The following UBR1 variants were observed in gnomAD, a reference collection of about 807,000 sequenced individuals.
The protein encoded by UBR1 is ubiquitin protein ligase E3 component n-recognin 1.
In UBR1, 102 loss-of-function variants were observed where a neutral mutation model predicts 242.1. That is an observed-to-expected ratio of 0.42 (90% confidence interval 0.36 to 0.50). The LOEUF is 0.50. Among genes scored for constraint, UBR1 ranks in the 20% least tolerant of loss-of-function variants. The pLI, the probability that UBR1 is intolerant of heterozygous loss-of-function variation, is 0.01. For missense variants in UBR1, 1,772 were observed against 2,101.8 expected, an observed-to-expected ratio of 0.84 and a Z score of 3.07; for synonymous variants, 675 against 684.8, an observed-to-expected ratio of 0.99 and a Z score of 0.22.
chr15:43,091,929 A>C, intron 1 of UBR1: 1 of 383,250 alleles, frequency 2.6e-6, no homozygotes, highest in South Asian at 2.1e-5. Context: ...AAAAAAAAAA[A>C]AAAAAAATTA....
At chr15:43,061,600 CAT>C (rs551345541) in intron 6 of UBR1, among the ~76,000 whole-genome samples, 30 of 152,118 alleles carry the variant, frequency 2.0e-4, no homozygotes, top group African/African-American at 7.0e-4. Flanking sequence ...TATATATACA[CAT>C]ACACAGGCTG....
rs1279002361 is a variant in UBR1, at chr15:42,944,595, G to C, written c.*734C>G. On this transcript the variant is annotated 3_prime_UTR_variant, in exon 47 of 47. Coordinates refer to ENST00000290650, the MANE Select transcript of UBR1 (RefSeq NM_174916.3). ...GAGATTTGCCTTTGGAAAATGTCAA[G>C]TATTATTTCAAAACTCAACAAAGCT... 6.6e-6 allele frequency: 1 copy of C among 152,212 alleles called. No homozygotes were observed. Among genetic ancestry groups the C allele is most frequent in the Non-Finnish European group, 1.5e-5 (1 of 68,058 alleles). 9.4% of individuals were successfully genotyped at this position (152,212 alleles called of 1,614,324 possible).
chr15:43,034,900 A>C (rs1212541334), intron 19 of UBR1, among the ~76,000 whole-genome samples: 1 of 151,688 alleles, frequency 6.6e-6, no homozygotes, highest in Non-Finnish European at 1.5e-5. Flanking sequence ...AAAAAAAAAA[A>C]AAAAAGAAAG....
At chr15:42,952,104 C>T (rs2031843445) in intron 45 of UBR1, among the ~76,000 whole-genome samples, 174 bp downstream of exon 45, 1 of 152,128 alleles carries the variant, frequency 6.6e-6, no homozygotes, top group Non-Finnish European at 1.5e-5. Context: ...TGAACAGAAA[C>T]TTATTCTTTT....
At chr15:42,975,162 C>T (rs556199449) in intron 39 of UBR1, among the ~76,000 whole-genome samples, 95 of 152,276 alleles carry the variant, frequency 6.2e-4, no homozygotes, top group African/African-American at 2.2e-3. Flanking sequence ...TCCCAAAGTG[C>T]TGGGATTACA....
intron 8 of UBR1, 66 bp from the exon 9 acceptor site, chr15:43,059,258 T>G: frequency 7.1e-7 from 1 of 1,416,790 alleles, no homozygotes; most frequent in Non-Finnish European, 9.9e-7. Flanking sequence ...TAGAGATGAG[T>G]CTCACTCTGT....
At chr15:43,097,636 C>T (rs192921670) in intron 1 of UBR1, among the ~76,000 whole-genome samples, 3 of 152,364 alleles carry the variant, frequency 2.0e-5, no homozygotes, top group Non-Finnish European at 4.4e-5. Context: ...TACTGCTTCA[C>T]GCTGCACTTT....
intron 41 of UBR1, 87 bp from the exon 42 acceptor site, chr15:42,964,130 A>G (rs2032067155): frequency 1.1e-6 from 1 of 924,348 alleles, no homozygotes; most frequent in Non-Finnish European, 1.7e-6. Flanking sequence ...GTTTATGCTT[A>G]TTTCTACACT....
chr15:43,002,799 G>C, intron 31 of UBR1, 95 bp from the exon 32 acceptor site: 1 of 1,538,126 alleles, frequency 6.5e-7, no homozygotes, highest in Non-Finnish European at 8.9e-7. Context: ...TAAAAATCTG[G>C]AATTTTTGCC....
intron 44 of UBR1, among the ~76,000 whole-genome samples, chr15:42,952,782 C>G (rs973451550): frequency 1.9e-4 from 29 of 152,186 alleles, no homozygotes; most frequent in Non-Finnish European, 3.8e-4. Context: ...GCCCAATTTA[C>G]AGTTACCTGC....
At chr15:43,022,528 T>C (rs916557854) in intron 26 of UBR1, among the ~76,000 whole-genome samples, 174 bp downstream of exon 26, 3 of 151,440 alleles carry the variant, frequency 2.0e-5, no homozygotes, top group African/African-American at 7.3e-5. Context: ...TACTTGAAAA[T>C]ATTAGTTACA....
intron 30 of UBR1, among the ~76,000 whole-genome samples, chr15:43,006,842 T>C (rs13380212): frequency 0.028 from 4,251 of 152,266 alleles, 198 homozygotes; most frequent in African/African-American, 0.091. Flanking sequence ...CAACACGTGT[T>C]TGTTTGGATC....
At chr15:43,068,536 TA>T (rs1368904308) in intron 5 of UBR1, among the ~76,000 whole-genome samples, 1 of 152,266 alleles carries the variant, frequency 6.6e-6, no homozygotes, top group East Asian at 1.9e-4. Context: ...AAAACTCTGA[TA>T]AAAATGTTTC....
At chr15:43,103,847 A>C (rs1416029300) in intron 1 of UBR1, among the ~76,000 whole-genome samples, 1 of 152,240 alleles carries the variant, frequency 6.6e-6, no homozygotes, top group Non-Finnish European at 1.5e-5. Flanking sequence ...TGTATTGCTT[A>C]ACAGCAAAGT....
At chr15:42,990,812 T>C (rs543614725) in intron 33 of UBR1, among the ~76,000 whole-genome samples, 2 of 152,314 alleles carry the variant, frequency 1.3e-5, no homozygotes, top group Admixed American at 1.3e-4. Flanking sequence ...CCAAGCTGCC[T>C]GGGTTTGAAT....
At chr15:43,048,320 T>G in intron 13 of UBR1, 72 bp downstream of exon 13, 1 of 1,229,392 alleles carries the variant, frequency 8.1e-7, no homozygotes, top group East Asian at 2.5e-5. Context: ...AACCAAAATC[T>G]GCTTTAAAAA....
chr15:43,092,322 T>C (rs140958970), intron 1 of UBR1, among the ~76,000 whole-genome samples: 35 of 152,326 alleles, frequency 2.3e-4, no homozygotes, highest in African/African-American at 7.9e-4. Flanking sequence ...ACTCATTCTG[T>C]ACTTATACCA....
intron 40 of UBR1, among the ~76,000 whole-genome samples, chr15:42,969,543 G>A (rs2032168223): frequency 1.3e-5 from 2 of 151,912 alleles, no homozygotes; most frequent in Admixed American, 1.3e-4. Context: ...TGTCAATTTT[G>A]GCTTTTGTTG....
At chr15:43,073,320 G>C (rs183814495) in intron 4 of UBR1, among the ~76,000 whole-genome samples, 5 of 152,130 alleles carry the variant, frequency 3.3e-5, no homozygotes, top group African/African-American at 1.2e-4. Flanking sequence ...CAATAATTTA[G>C]AAGTATGTAA....
Sources: allele counts gnomAD v4.1 joint callset (sites outside exome capture counted in the v4.1 genomes callset), GRCh38; gene constraint gnomAD v4.1.1; transcripts MANE v1.5; gene names NCBI Gene and HGNC (gene_info 2026-07-23, HGNC 2026-07-21).